Variants in TANC2 observed in about 807,000 individuals in gnomAD.
TANC2 encodes protein TANC2.
A neutral mutation model predicts 210.5 loss-of-function variants in TANC2; 26 were observed. The observed-to-expected ratio is 0.12, with a 90% confidence interval of 0.09 to 0.17. TANC2 has a LOEUF of 0.17. TANC2 is among the 10% of genes least tolerant of loss of function. The probability of loss-of-function intolerance (pLI) is 1.00; values close to 1 mark genes in which losing one functional copy is unlikely to be tolerated. For missense variants in TANC2, 2,129 were observed against 2,608.9 expected (o/e 0.82, Z 4.01); for synonymous variants, 931 against 967.1 (o/e 0.96, Z 0.69).
chr17:63,365,216 A>G (rs930759582), intron 14 of TANC2, among the ~76,000 whole-genome samples: 1 of 152,164 alleles, frequency 6.6e-6, no homozygotes, highest in African/African-American at 2.4e-5. Context: ...GGCCATCTCT[A>G]GAGACTTTCA....
chr17:63,079,307 C>T (rs2036684703), intron 3 of TANC2, among the ~76,000 whole-genome samples: 1 of 152,070 alleles, frequency 6.6e-6, no homozygotes, highest in Non-Finnish European at 1.5e-5. Context: ...TGGATTCAGG[C>T]TTGGGGTTTG....
At chr17:63,017,518 A>C (rs150806189) in intron 2 of TANC2, among the ~76,000 whole-genome samples, 8 of 152,310 alleles carry the variant, frequency 5.3e-5, no homozygotes. Flanking sequence ...ATTGATGCAC[A>C]TGGAATACAG....
intron 7 of TANC2, among the ~76,000 whole-genome samples, chr17:63,211,293 G>A (rs1453148520): frequency 6.6e-6 from 1 of 152,092 alleles, no homozygotes; most frequent in Admixed American, 6.5e-5. Context: ...TTTACATTTT[G>A]TAGATCGATA....
At chr17:63,302,599 C>CTTTT (rs568226580) in intron 9 of TANC2, among the ~76,000 whole-genome samples, 2 of 22,768 alleles carry the variant, frequency 8.8e-5, no homozygotes, top group African/African-American at 3.3e-4. Context: ...GCAACCCCTG[C>CTTTT]TTTTTTTTTT....
At chr17:63,354,996 T>C in exon 14 of TANC2, 1 of 1,613,896 alleles carries the variant, frequency 6.2e-7, no homozygotes, top group Non-Finnish European at 8.5e-7. Flanking sequence ...GTCCTATCTA[T>C]ATCTGAAACT....
intron 6 of TANC2, among the ~76,000 whole-genome samples, chr17:63,194,557 A>C (rs1201578601): frequency 6.6e-6 from 1 of 152,268 alleles, no homozygotes; most frequent in East Asian, 1.9e-4. Flanking sequence ...GATAATTTAG[A>C]AAGTGGGATC....
chr17:63,141,156 T>A (rs1042159190), intron 4 of TANC2, among the ~76,000 whole-genome samples: 1 of 152,060 alleles, frequency 6.6e-6, no homozygotes, highest in Non-Finnish European at 1.5e-5. Flanking sequence ...AGAGATCTTA[T>A]GATTCTGTTT....
At chr17:63,255,151 C>CTGGAG (rs1254244951) in intron 8 of TANC2, among the ~76,000 whole-genome samples, 1 of 151,782 alleles carries the variant, frequency 6.6e-6, no homozygotes, top group Non-Finnish European at 1.5e-5. Context: ...GTCCCCCAGG[C>CTGGAG]TGGAGTGCAG....
At chr17:63,108,406 A>G (rs1350872215) in intron 4 of TANC2, among the ~76,000 whole-genome samples, 11 of 151,870 alleles carry the variant, frequency 7.2e-5, no homozygotes, top group Non-Finnish European at 4.4e-5. Context: ...TGTAAAGTTA[A>G]TATGTGTCAA....
chr17:63,124,489 A>G (rs1187813132), intron 4 of TANC2, among the ~76,000 whole-genome samples: 1 of 152,196 alleles, frequency 6.6e-6, no homozygotes, highest in East Asian at 1.9e-4. Flanking sequence ...AGTGGTCTAC[A>G]TTTGGCAAAT....
intron 2 of TANC2, among the ~76,000 whole-genome samples, chr17:63,012,615 G>C (rs986329301): frequency 6.6e-6 from 1 of 151,958 alleles, no homozygotes; most frequent in Non-Finnish European, 1.5e-5. Flanking sequence ...TCACTTTCTA[G>C]ATAGAAGTAA....
intron 2 of TANC2, among the ~76,000 whole-genome samples, chr17:63,041,325 A>T (rs2035178056): frequency 6.6e-6 from 1 of 152,160 alleles, no homozygotes; most frequent in Admixed American, 6.6e-5. Context: ...TATATTATTG[A>T]AATGTTTCAT....
At chr17:63,211,995 C>T (rs553058275) in intron 7 of TANC2, among the ~76,000 whole-genome samples, 98 of 152,228 alleles carry the variant, frequency 6.4e-4, no homozygotes, top group Admixed American at 4.3e-3. Flanking sequence ...TCGTCATCTA[C>T]GTTAGGTATT....
At chr17:63,038,832 C>T (rs1361970888) in intron 2 of TANC2, among the ~76,000 whole-genome samples, 1 of 152,090 alleles carries the variant, frequency 6.6e-6, no homozygotes, top group Non-Finnish European at 1.5e-5. Context: ...TTAGCCTTAA[C>T]CTCTCTGTCC....
At chr17:63,000,630 G>A (rs1327744288) in intron 1 of TANC2, among the ~76,000 whole-genome samples, 1 of 152,068 alleles carries the variant, frequency 6.6e-6, no homozygotes, top group Admixed American at 6.6e-5. Context: ...AATGATTGGG[G>A]GCCTGTCAAT....
chr17:63,356,966 G>A (rs1342409067), intron 14 of TANC2, among the ~76,000 whole-genome samples: 1 of 152,124 alleles, frequency 6.6e-6, no homozygotes, highest in Non-Finnish European at 1.5e-5. Context: ...TAATCGGATA[G>A]CGACAGCCAT....
At chr17:63,162,812 GA>G (rs1214647539) in intron 5 of TANC2, among the ~76,000 whole-genome samples, 1 of 152,068 alleles carries the variant, frequency 6.6e-6, no homozygotes, top group Admixed American at 6.6e-5. Context: ...AGAAAGAGAA[GA>G]AGCCATGGAA....
chr17:62,993,211 T>G lies in TANC2; in HGVS notation c.-23-16326T>G, dbSNP rs1337654093. Among the ~76,000 whole-genome samples the G allele has an allele frequency of 2.0e-5, 3 of 152,254 alleles. 1 individual carries two copies. The East Asian group carries it at 5.8e-4, about 29-fold the overall frequency. Reference sequence around the variant, plus strand: ...AGTCCCTTTGCCATGTAAGGTAACATTCACAAATTCCAGAAGTTAGAATGT... The same window carrying G: ...AGTCCCTTTGCCATGTAAGGTAACAGTCACAAATTCCAGAAGTTAGAATGT... On this transcript the variant is annotated intron_variant, in intron 1 of 27. Transcript: ENST00000689528.
chr17:62,995,337 C>T (rs921646499), intron 1 of TANC2, among the ~76,000 whole-genome samples: 4 of 152,112 alleles, frequency 2.6e-5, no homozygotes, highest in South Asian at 2.1e-4. Flanking sequence ...GATCCAGAAT[C>T]GGGTGGATTG....
Sources: gnomAD v4.1 joint callset for allele counts (sites outside exome capture counted in the v4.1 genomes callset) on GRCh38, gnomAD v4.1.1 for gene constraint, MANE v1.5 for transcripts, NCBI Gene and HGNC (gene_info 2026-07-23, HGNC 2026-07-21) for gene names.